PTPRD: variants seen among roughly 807,000 people sequenced by gnomAD.
PTPRD encodes the protein receptor-type tyrosine-protein phosphatase delta.
In PTPRD, 34 loss-of-function variants were observed where a neutral mutation model predicts 214.5. That is an observed-to-expected ratio of 0.16 (90% CI 0.12 to 0.21). PTPRD has a LOEUF of 0.21. Ranked by LOEUF, PTPRD falls within the 10% of genes least tolerant of loss-of-function variation. The pLI is 1.00. For synonymous variants in PTPRD, 1,128 were observed against 845.7 expected (o/e 1.33, Z -5.79); for missense variants, 2,545 against 2,398.7 (o/e 1.06, Z -1.27).
At chr9:10,326,523 T>A (rs745565486) in intron 3 of PTPRD, among the ~76,000 whole-genome samples, 1 of 151,718 alleles carries the variant, frequency 6.6e-6, no homozygotes, top group Non-Finnish European at 1.5e-5. Context: ...GTTGTTGTTG[T>A]TAAATCTCTG....
At chr9:8,700,357 A>C (rs2098047399) in intron 12 of PTPRD, among the ~76,000 whole-genome samples, 2 of 152,234 alleles carry the variant, frequency 1.3e-5, no homozygotes, top group Non-Finnish European at 2.9e-5. Flanking sequence ...TCCATTTCAG[A>C]ACTTTCACAA....
chr9:10,477,690 T>C (rs1250185371), intron 2 of PTPRD, among the ~76,000 whole-genome samples: 1 of 151,984 alleles, frequency 6.6e-6, no homozygotes, highest in Non-Finnish European at 1.5e-5. Context: ...ACGTAGGTTA[T>C]TGCATCACTA....
chr9:10,332,952 C>G (rs977120271), intron 3 of PTPRD, among the ~76,000 whole-genome samples: 1 of 151,788 alleles, frequency 6.6e-6, no homozygotes, highest in African/African-American at 2.4e-5. Flanking sequence ...ATGTATATAA[C>G]GTAATGTTTG....
chr9:8,903,283 T>C (rs1288076478), intron 11 of PTPRD, among the ~76,000 whole-genome samples: 1 of 152,144 alleles, frequency 6.6e-6, no homozygotes, highest in African/African-American at 2.4e-5. Context: ...TACTCGACTA[T>C]TAGTTTTTCA....
intron 3 of PTPRD, among the ~76,000 whole-genome samples, chr9:10,284,148 A>C (rs2095258486): frequency 1.3e-5 from 2 of 152,200 alleles, no homozygotes; most frequent in Admixed American, 1.3e-4. Flanking sequence ...CTGTGGAGTT[A>C]GGTGTCCTAG....
intron 35 of PTPRD, among the ~76,000 whole-genome samples, chr9:8,431,689 C>G (rs1683991957): frequency 6.6e-6 from 1 of 152,168 alleles, no homozygotes; most frequent in Non-Finnish European, 1.5e-5. Flanking sequence ...CTTTGGAGCA[C>G]CTGCATCAAA....
At position 8,605,964 on chromosome 9, in the gene PTPRD, G is replaced by T. The variant is rs539337036; in HGVS notation, c.352+27353C>A. On this transcript the variant is annotated intron_variant, in intron 14 of 45. Transcript: ENST00000381196. Reference sequence around the variant, plus strand: ...TTTTGTTTTTGTTTTTATTTTTCGGGGAGCGGGGGTGTCGAGGGGTGGGGA... The same window carrying T: ...TTTTGTTTTTGTTTTTATTTTTCGGTGAGCGGGGGTGTCGAGGGGTGGGGA... 2.6e-5 allele frequency among the ~76,000 whole-genome samples: 4 copies of T among 152,102 alleles called. No individual in the cohort carries two copies. The South Asian group carries it at 8.3e-4, about 32-fold the overall frequency.
intron 7 of PTPRD, among the ~76,000 whole-genome samples, chr9:9,621,746 G>T (rs1326424103): frequency 6.6e-6 from 1 of 152,116 alleles, no homozygotes; most frequent in East Asian, 1.9e-4. Context: ...GCACGCCTGG[G>T]CTGGGGTGAT....
rs116359048 is a variant in PTPRD, at chr9:10,430,040, C to T, written c.-599-89023G>A. On this transcript the variant is annotated intron_variant, in intron 2 of 45. Transcript: ENST00000381196. ...ATATTTGGTACTCTTTATAAACTTT[C>T]TATTATATAATAGCTTATGTTCTAT... Among the ~76,000 whole-genome samples, 1,293 of 152,034 alleles carry T rather than the reference C, an allele frequency of 8.5e-3. 17 individuals carry two copies. The highest frequency in any genetic ancestry group is 0.029 in the African/African-American group (1,215 of 41,536).
intron 3 of PTPRD, among the ~76,000 whole-genome samples, chr9:10,162,591 A>G (rs2099133785): frequency 6.7e-6 from 1 of 150,096 alleles, no homozygotes; most frequent in Non-Finnish European, 1.5e-5. Context: ...ATGGGTACGA[A>G]CTAACAGTTT....
intron 9 of PTPRD, among the ~76,000 whole-genome samples, chr9:9,280,916 G>C (rs2133551541): frequency 6.6e-6 from 1 of 151,246 alleles, no homozygotes; most frequent in Middle Eastern, 3.4e-3. Context: ...TTGGCAAAAT[G>C]ACAGACAAAT....
chr9:10,059,450 C>T (rs544106514), intron 3 of PTPRD, among the ~76,000 whole-genome samples: 2 of 152,160 alleles, frequency 1.3e-5, no homozygotes, highest in South Asian at 4.1e-4. Flanking sequence ...CCATTTCTTA[C>T]AGTAATATGC....
intron 10 of PTPRD, among the ~76,000 whole-genome samples, chr9:9,086,683 C>A (rs2099767495): frequency 6.6e-6 from 1 of 152,070 alleles, no homozygotes; most frequent in Non-Finnish European, 1.5e-5. Flanking sequence ...TTCCCTTGGT[C>A]CCAGCTGAAG....
At chr9:8,731,486 T>C (rs909642987) in intron 12 of PTPRD, among the ~76,000 whole-genome samples, 1 of 152,218 alleles carries the variant, frequency 6.6e-6, no homozygotes, top group Non-Finnish European at 1.5e-5. Flanking sequence ...TGAAAAATAT[T>C]ATCTTTATAT....
At chr9:9,392,889 G>C (rs1009644346) in intron 9 of PTPRD, among the ~76,000 whole-genome samples, 1 of 152,078 alleles carries the variant, frequency 6.6e-6, no homozygotes, top group Non-Finnish European at 1.5e-5. Context: ...GCCACATTGA[G>C]ACAGCCAAGC....
At chr9:8,858,352 A>G (rs1050842320) in intron 11 of PTPRD, 1 of 151,510 alleles carries the variant, frequency 6.6e-6, no homozygotes, top group Non-Finnish European at 1.5e-5. Flanking sequence ...TCGTGGGGGG[A>G]GAGGGGTGCG....
chr9:8,362,875 T>C (rs991913216), intron 39 of PTPRD, among the ~76,000 whole-genome samples: 13 of 152,300 alleles, frequency 8.5e-5, no homozygotes, highest in African/African-American at 2.6e-4. Flanking sequence ...ACAATTATCA[T>C]TTTTTTGATC....
chr9:8,695,627 A>T (rs2097896227), intron 12 of PTPRD, among the ~76,000 whole-genome samples: 1 of 152,194 alleles, frequency 6.6e-6, no homozygotes, highest in South Asian at 2.1e-4. Context: ...AGTAAGTGAT[A>T]AACATTTTAT....
At chr9:9,377,684 A>G (rs536381036) in intron 9 of PTPRD, among the ~76,000 whole-genome samples, 1 of 152,192 alleles carries the variant, frequency 6.6e-6, no homozygotes, top group Non-Finnish European at 1.5e-5. Flanking sequence ...CATTGACTAC[A>G]AACAGCTTAA....
Sources: gnomAD v4.1 joint callset for allele counts (sites outside exome capture counted in the v4.1 genomes callset) on GRCh38, gnomAD v4.1.1 for gene constraint, MANE v1.5 for transcripts, NCBI Gene and HGNC (gene_info 2026-07-23, HGNC 2026-07-21) for gene names.